Variants in ARPP19 observed in about 807,000 individuals in gnomAD.
The protein encoded by ARPP19 is cAMP regulated phosphoprotein 19.
Under a neutral mutation model 12.0 loss-of-function variants are expected in ARPP19, and 8 were observed. The ratio of observed to expected loss-of-function variants is 0.67; its 90% CI spans 0.39 to 1.21. ARPP19 has a LOEUF of 1.21. Among genes scored for constraint, ARPP19 ranks in the 50% most tolerant of loss-of-function variants. ARPP19 has a pLI of 0.01. For synonymous variants in ARPP19, 47 were observed against 50.4 expected (o/e 0.93, Z 0.29); for missense variants, 102 against 136.3 (o/e 0.75, Z 1.25).
chr15:52,557,112 C>T lies in ARPP19; in HGVS notation c.156G>A (p.Arg52=), dbSNP rs774747968. ...KPGGSDFLRK[R]LQKGQKYFDS... ...CATGAGAACTTACCCCTTTCTGCAA[C>T]CGTTTCCTTAAGAAATCTGAACCTC... Residue 52 remains arginine, a synonymous_variant, in exon 2 of 3, where the codon CGG becomes CGA. Coordinates refer to ENST00000249822, the MANE Select transcript of ARPP19 (RefSeq NM_006628.6). The T allele has an allele frequency of 1.2e-6, 2 of 1,611,808 alleles. No individual in the cohort carries two copies. Among genetic ancestry groups the T allele is most frequent in the African/African-American group, 1.3e-5 (1 of 74,820 alleles).
chr15:52,564,303 A>T, intron 1 of ARPP19: 1 of 1,299,312 alleles, frequency 7.7e-7, no homozygotes, highest in Non-Finnish European at 1.1e-6. Flanking sequence ...AGTCCCAGCT[A>T]CTTGGAGGCT....
upstream of ARPP19, chr15:52,569,052 C>G (rs1215554342): frequency 1.7e-6 from 1 of 602,126 alleles, no homozygotes; most frequent in Non-Finnish European, 2.9e-6. Context: ...GCGAAACGCT[C>G]CGCTGGCCAA....
At position 52,551,540 on chromosome 15, in the gene ARPP19, A is replaced by AAAT. The variant is rs1212393097; in HGVS notation, c.*391_*393dup. The AAAT allele has an allele frequency of 6.5e-6, 1 of 155,022 alleles. No homozygotes were observed. Among genetic ancestry groups the AAAT allele is most frequent in the African/African-American group, 2.4e-5 (1 of 41,534 alleles). 9.6% of individuals were successfully genotyped at this position (155,022 alleles called of 1,614,324 possible). A position where few individuals can be genotyped will look rare whatever the true frequency, so the allele number is the denominator to read the frequency against. On this transcript the variant is annotated 3_prime_UTR_variant, in exon 3 of 3. Transcript: ENST00000249822. The stretch of plus-strand genomic sequence containing the variant: ...TTCTGTTTTACAAAATCCAAAAGGT[A>AAAT]AATACAGAAGAAATCAATACAATAG...
intron 1 of ARPP19, among the ~76,000 whole-genome samples, chr15:52,561,931 CTACT>C (rs2140245956): frequency 6.9e-6 from 1 of 145,360 alleles, no homozygotes; most frequent in East Asian, 2.2e-4. Context: ...TGCAGTGCAC[CTACT>C]TTTTTTTTTT....
chr15:52,563,779 G>A (rs2078056900), intron 1 of ARPP19, among the ~76,000 whole-genome samples: 1 of 152,152 alleles, frequency 6.6e-6, no homozygotes, highest in Non-Finnish European at 1.5e-5. Context: ...TGCACTGATT[G>A]ACGAATAACT....
chr15:52,554,701 T>A lies in ARPP19; in HGVS notation c.168+2399A>T, dbSNP rs56306762. Among the ~76,000 whole-genome samples the A allele has an allele frequency of 2.6e-3, 389 of 152,216 alleles. 2 individuals are homozygous for A. Among genetic ancestry groups the A allele is most frequent in the Non-Finnish European group, 4.1e-3 (278 of 67,968 alleles). On this transcript the variant is annotated intron_variant, in intron 2 of 2. Coordinates refer to ENST00000249822, the MANE Select transcript of ARPP19 (RefSeq NM_006628.6). ...TAAAGCCATGTTTCTTACAACTGGA[T>A]TCTCTGTTTTCTAGGGACTTCACAA...
In ARPP19 at chr15:52,564,505, A is replaced by G. The variant is rs187499590; in HGVS notation, c.45+4343T>C. Among the ~76,000 whole-genome samples the G allele has an allele frequency of 3.8e-3, 572 of 152,360 alleles. 3 individuals carry two copies. The highest frequency in any genetic ancestry group is 0.013 in the African/African-American group (537 of 41,574). ...ACCAATATGAACTCCTATTTTTAAA[A>G]TACTGGAAGCATGGGAAAACAATTT... On this transcript the variant is annotated intron_variant, in intron 1 of 2. Coordinates refer to ENST00000249822, the MANE Select transcript of ARPP19 (RefSeq NM_006628.6).
chr15:52,561,977 T>C (rs2140246224), intron 1 of ARPP19, among the ~76,000 whole-genome samples: 2 of 148,862 alleles, frequency 1.3e-5, no homozygotes, highest in Middle Eastern at 7.0e-3. Context: ...ATGGTCTTCC[T>C]ATGTTGCCCA....
Position 52,555,573 on chromosome 15 carries a change from T to C in ARPP19, c.168+1527A>G, listed in dbSNP as rs140781243. Among the ~76,000 whole-genome samples, 34 of 152,128 alleles carry C rather than the reference T, an allele frequency of 2.2e-4. No individual in the cohort carries two copies. In the East Asian group the frequency reaches 6.4e-3, roughly 28 times the overall value. ...TAGTGGTGCTGCTACTAATTATAGTTATAAGCTATAAGGAGGACCTTCCAA... is the reference window on the plus strand; with the variant it reads ...TAGTGGTGCTGCTACTAATTATAGTCATAAGCTATAAGGAGGACCTTCCAA... On this transcript the variant is annotated intron_variant, in intron 2 of 2. Coordinates refer to ENST00000249822, the MANE Select transcript of ARPP19 (RefSeq NM_006628.6).
At chr15:52,553,249 A>G (rs935765042) in intron 2 of ARPP19, among the ~76,000 whole-genome samples, 1 of 152,246 alleles carries the variant, frequency 6.6e-6, no homozygotes, top group Non-Finnish European at 1.5e-5. Context: ...GAGTAATGAA[A>G]GAAATAAACT....
intron 2 of ARPP19, among the ~76,000 whole-genome samples, chr15:52,553,832 T>C (rs1356447990): frequency 1.3e-5 from 2 of 152,266 alleles, no homozygotes; most frequent in Non-Finnish European, 2.9e-5. Flanking sequence ...AAAAGTCTCA[T>C]TGGCTGCTTT....
chr15:52,568,838 G>A lies in ARPP19; in HGVS notation c.45+10C>T, dbSNP rs559357354. ...GGGCAGGGCCCAGGGCTCACGCCCC[G>A]CGCGCTCACCTTCTGCTCCTCCGCG... On this transcript the variant is annotated intron_variant, in intron 1 of 2. Coordinates refer to ENST00000249822, the MANE Select transcript of ARPP19 (RefSeq NM_006628.6). 7 of 1,568,212 alleles carry A rather than the reference G, an allele frequency of 4.5e-6. 1 individual carries two copies. The South Asian group carries it at 4.6e-5, about 10-fold the overall frequency.
intron 1 of ARPP19, among the ~76,000 whole-genome samples, chr15:52,561,535 G>C (rs987224004): frequency 4.6e-5 from 7 of 151,990 alleles, no homozygotes; most frequent in African/African-American, 7.2e-5. Context: ...TTTAGAAAAG[G>C]GTTTATAATC....
At position 52,551,797 on chromosome 15, in the gene ARPP19, T is replaced by C. The variant is rs117862230; in HGVS notation, c.*137A>G. On this transcript the variant is annotated 3_prime_UTR_variant, in exon 3 of 3. Coordinates refer to ENST00000249822, the MANE Select transcript of ARPP19 (RefSeq NM_006628.6). ...AACTCTACACACGTATATTCCACAATAGCAGCACACACTACTGCTACCTGC... is the reference window on the plus strand; with the variant it reads ...AACTCTACACACGTATATTCCACAACAGCAGCACACACTACTGCTACCTGC... The C allele has an allele frequency of 0.03, 20,221 of 683,502 alleles. 457 individuals carry two copies. The highest frequency in any genetic ancestry group is 0.037 in the Non-Finnish European group (14,517 of 390,658). 42.3% of individuals were successfully genotyped at this position (683,502 alleles called of 1,614,324 possible). A position where few individuals can be genotyped will look rare whatever the true frequency, so the allele number is the denominator to read the frequency against.
intron 1 of ARPP19, among the ~76,000 whole-genome samples, chr15:52,565,032 T>C (rs1218365133): frequency 6.6e-6 from 1 of 151,650 alleles, no homozygotes; most frequent in Non-Finnish European, 1.5e-5. Flanking sequence ...CAATTAAAAT[T>C]ACCATCTTTT....
rs146185132 is a variant in ARPP19 at position 52,560,366 on chromosome 15, ATGTT to A, written c.46-3148_46-3145del. Among the ~76,000 whole-genome samples the A allele has an allele frequency of 8.9e-3, 1,357 of 152,334 alleles. 24 individuals are homozygous for A. The highest frequency in any genetic ancestry group is 0.031 in the African/African-American group (1,308 of 41,562). On this transcript the variant is annotated intron_variant, in intron 1 of 2. Coordinates refer to ENST00000249822, the MANE Select transcript of ARPP19 (RefSeq NM_006628.6). ...TAAGCATGCTTAATTAAATTAAAAA[ATGTT>A]TGGGTAAAACAGCATCTATGAGCTG... is the stretch of plus-strand genomic sequence containing the variant.
intron 1 of ARPP19, among the ~76,000 whole-genome samples, chr15:52,563,922 G>A (rs771122814): frequency 1.1e-4 from 16 of 152,194 alleles, no homozygotes; most frequent in Non-Finnish European, 2.2e-4. Context: ...AGCATTTAAT[G>A]AATGTTCAAT....
At chr15:52,553,920 T>C (rs2077958694) in intron 2 of ARPP19, among the ~76,000 whole-genome samples, 1 of 152,242 alleles carries the variant, frequency 6.6e-6, no homozygotes, top group African/African-American at 2.4e-5. Flanking sequence ...AATGTATTAC[T>C]GTATATGTAC....
rs1324426142 is a variant in ARPP19 at position 52,568,852 on chromosome 15, T to G, written c.41A>C (p.Gln14Pro). The G allele has an allele frequency of 1.7e-5, 27 of 1,568,838 alleles. No individual in the cohort carries two copies. Among genetic ancestry groups the G allele is most frequent in the Non-Finnish European group, 2.2e-5 (26 of 1,161,138 alleles). ...GCTCACGCCCCGCGCGCTCACCTTC[T>G]GCTCCTCCGCGGAGGCTGCCTCGGG... The part of the protein sequence containing the change: ...EVPEAASAEE[Q>P]KEMEDKVTSP... Residue 14 changes from glutamine (Q) to proline (P), a missense_variant, in exon 1 of 3, where the codon CAG (glutamine) becomes CCG (proline). Physicochemically the swap from Gln to Pro is moderately conservative, Grantham distance 76. Coordinates refer to ENST00000249822, the MANE Select transcript of ARPP19 (RefSeq NM_006628.6).
Sources: gnomAD v4.1 joint callset for allele counts (sites outside exome capture counted in the v4.1 genomes callset) on GRCh38, gnomAD v4.1.1 for gene constraint, MANE v1.5 for transcripts, NCBI Gene and HGNC (gene_info 2026-07-23, HGNC 2026-07-21) for gene names.